TTC28: variants seen among roughly 807,000 people sequenced by gnomAD.
TTC28 encodes the protein tetratricopeptide repeat domain 28.
TTC28 carries 61 observed loss-of-function variants against 198.0 expected under a neutral mutation model. The observed-to-expected ratio is 0.31, with a 90% CI of 0.25 to 0.38. The LOEUF (loss-of-function observed/expected upper bound fraction) is 0.38, where lower values mean the gene tolerates loss of function less well. Ranked by LOEUF, TTC28 falls within the 10% of genes least tolerant of loss-of-function variation. TTC28 has a pLI of 1.00. For synonymous variants in TTC28, 1,171 were observed against 1,297.8 expected (o/e 0.90, Z 2.10); for missense variants, 2,678 against 3,164.0 (o/e 0.85, Z 3.69).
intron 2 of TTC28, among the ~76,000 whole-genome samples, chr22:28,314,854 C>T (rs2045326467): frequency 6.6e-6 from 1 of 151,998 alleles, no homozygotes; most frequent in Admixed American, 6.6e-5. Context: ...GCCTGGGAAA[C>T]AGAGTGAGAC....
At chr22:28,210,023 C>T (rs1336141158) in intron 5 of TTC28, among the ~76,000 whole-genome samples, 3 of 152,190 alleles carry the variant, frequency 2.0e-5, no homozygotes, top group African/African-American at 7.2e-5. Context: ...CCCTGGCAAA[C>T]AGGGTCTGCA....
At chr22:28,168,530 CATCTGATCTT>C (rs1209886902) in intron 5 of TTC28, among the ~76,000 whole-genome samples, 1 of 151,978 alleles carries the variant, frequency 6.6e-6, no homozygotes, top group Admixed American at 6.6e-5. Context: ...TATCTACAAC[CATCTGATCTT>C]TGACAAACCT....
At chr22:28,503,621 A>T (rs1016866181) in intron 2 of TTC28, among the ~76,000 whole-genome samples, 1 of 152,224 alleles carries the variant, frequency 6.6e-6, no homozygotes, top group Non-Finnish European at 1.5e-5. Context: ...AATGTTACAT[A>T]AAAATATTAA....
At chr22:28,464,435 G>A (rs889137860) in intron 2 of TTC28, among the ~76,000 whole-genome samples, 6 of 152,188 alleles carry the variant, frequency 3.9e-5, no homozygotes, top group Admixed American at 2.0e-4. Flanking sequence ...CATAAGACTA[G>A]TGAGGAAGCA....
chr22:28,527,053 C>T (rs2049016961), intron 2 of TTC28, among the ~76,000 whole-genome samples: 1 of 152,152 alleles, frequency 6.6e-6, no homozygotes. Context: ...CCACTGCACC[C>T]AGCCTATTCT....
Position 28,010,177 on chromosome 22 carries a change from T to C in TTC28, c.4218+4071A>G, listed in dbSNP as rs147683482. Among the ~76,000 whole-genome samples the C allele has an allele frequency of 7.2e-5, 11 of 152,346 alleles. No homozygotes were observed. In the East Asian group the frequency reaches 1.9e-3, roughly 27 times the overall value. On this transcript the variant is annotated intron_variant, in intron 14 of 22. Coordinates refer to ENST00000397906, the MANE Select transcript of TTC28 (RefSeq NM_001145418.2). ...GAAGGGCAGCAGAAGCACAGGGTGC[T>C]GCTAGCAGCATGTCATTTTTTGAAA...
chr22:28,553,820 C>T (rs989006445), intron 2 of TTC28, among the ~76,000 whole-genome samples: 3 of 152,040 alleles, frequency 2.0e-5, no homozygotes, highest in African/African-American at 7.2e-5. Context: ...CCGGCTGCCC[C>T]TGCTGGGAAG....
At position 28,240,409 on chromosome 22, in the gene TTC28, C is replaced by T. The variant is rs560169593; in HGVS notation, c.933+55789G>A. On this transcript the variant is annotated intron_variant, in intron 5 of 22. Transcript: ENST00000397906. ...CTATAAGGATTCACAATCTTTAATA[C>T]TTTTTAAAAATATAATACAGAAATA... Among the ~76,000 whole-genome samples the T allele has an allele frequency of 1.3e-5, 2 of 152,078 alleles. 1 individual carries two copies. The highest frequency in any genetic ancestry group is 4.1e-4 in the South Asian group (2 of 4,820).
intron 1 of TTC28, among the ~76,000 whole-genome samples, chr22:28,645,974 G>A (rs111461816): frequency 0.01 from 1,587 of 152,058 alleles, 34 homozygotes; most frequent in East Asian, 0.082. Flanking sequence ...CATACTGAAC[G>A]GGGAAAAGTT....
chr22:28,449,652 A>G (rs1301768754), intron 2 of TTC28, among the ~76,000 whole-genome samples: 1 of 152,246 alleles, frequency 6.6e-6, no homozygotes, highest in Non-Finnish European at 1.5e-5. Context: ...GATGAGCCAG[A>G]ACAAGATTTT....
chr22:28,650,486 C>G (rs2051547722), intron 1 of TTC28, among the ~76,000 whole-genome samples: 1 of 152,128 alleles, frequency 6.6e-6, no homozygotes, highest in South Asian at 2.1e-4. Context: ...TTTTTTCTGA[C>G]AGCCTCAAAG....
At position 28,162,935 on chromosome 22, in the gene TTC28, C is replaced by A. The variant is rs117802068; in HGVS notation, c.1441+157G>T. Among the ~76,000 whole-genome samples, 569 of 152,258 alleles carry A rather than the reference C, an allele frequency of 3.7e-3. 27 individuals are homozygous for A. In the East Asian group the frequency reaches 0.082, roughly 22 times the overall value. On this transcript the variant is annotated intron_variant, in intron 6 of 22. Transcript: ENST00000397906. Reference sequence around the variant, plus strand: ...CTCCATCCTCAGTGACAGATGAAGACCCTGTCTCAAAAAGAAAAGGAAAAG... The same window carrying A: ...CTCCATCCTCAGTGACAGATGAAGAACCTGTCTCAAAAAGAAAAGGAAAAG...
chr22:28,493,660 T>C (rs2048409454), intron 2 of TTC28, among the ~76,000 whole-genome samples: 1 of 152,188 alleles, frequency 6.6e-6, no homozygotes, highest in Non-Finnish European at 1.5e-5. Context: ...AAAAACAAGT[T>C]ATTAGTGTCT....
chr22:28,179,165 G>GTT lies in TTC28; in HGVS notation c.934-15568_934-15567dup, dbSNP rs71316832. Among the ~76,000 whole-genome samples, 319 of 140,990 alleles carry GTT rather than the reference G, an allele frequency of 2.3e-3. 3 individuals carry two copies. Among genetic ancestry groups the GTT allele is most frequent in the South Asian group, 0.01 (45 of 4,380 alleles). 92.5% of individuals were successfully genotyped at this position (140,990 alleles called of 152,430 possible). A position where few individuals can be genotyped will look rare whatever the true frequency, so the allele number is the denominator to read the frequency against. On this transcript the variant is annotated intron_variant, in intron 5 of 22. Coordinates refer to ENST00000397906, the MANE Select transcript of TTC28 (RefSeq NM_001145418.2). ...ACTTAGTTTTTTGTTTTTTTGTTTT[G>GTT]TTTTTTTTTTTTTGACAGAGTCTTG... is the stretch of plus-strand genomic sequence containing the variant.
chr22:28,027,107 CACACACACACAAAT>C (rs1938866363), intron 13 of TTC28, among the ~76,000 whole-genome samples: 2 of 152,130 alleles, frequency 1.3e-5, no homozygotes, highest in Non-Finnish European at 2.9e-5. Context: ...CACACACAAA[CACACACACACAAAT>C]ACAACCCTGC....
intron 5 of TTC28, among the ~76,000 whole-genome samples, chr22:28,200,823 G>A (rs1925862073): frequency 6.6e-6 from 1 of 152,144 alleles, no homozygotes; most frequent in Non-Finnish European, 1.5e-5. Flanking sequence ...GCTGAGACAA[G>A]CCCCTGATAA....
At chr22:28,025,546 G>A (rs972471385) in intron 13 of TTC28, among the ~76,000 whole-genome samples, 10 of 152,156 alleles carry the variant, frequency 6.6e-5, no homozygotes, top group African/African-American at 1.7e-4. Flanking sequence ...GCACGCCTCC[G>A]TACAGCCCTA....
intron 5 of TTC28, among the ~76,000 whole-genome samples, chr22:28,239,941 A>C (rs529327396): frequency 1.3e-5 from 2 of 152,268 alleles, no homozygotes; most frequent in Non-Finnish European, 2.9e-5. Context: ...GTTTCTCAAC[A>C]ATGTCACTAC....
intron 2 of TTC28, among the ~76,000 whole-genome samples, chr22:28,467,643 T>C (rs1020149722): frequency 6.6e-6 from 1 of 152,208 alleles, no homozygotes; most frequent in East Asian, 1.9e-4. Context: ...CACTATGGAA[T>C]TGTAATATTA....
Sources: gnomAD v4.1 joint callset for allele counts (sites outside exome capture counted in the v4.1 genomes callset) on GRCh38, gnomAD v4.1.1 for gene constraint, MANE v1.5 for transcripts, NCBI Gene and HGNC (gene_info 2026-07-23, HGNC 2026-07-21) for gene names.